The following PLB1 variants were observed in gnomAD, a reference collection of about 807,000 sequenced individuals.
PLB1 encodes the protein phospholipase B1.
In PLB1, 242 loss-of-function variants were observed where a neutral mutation model predicts 227.4. The ratio of observed to expected loss-of-function variants is 1.06; its 90% CI spans 0.96 to 1.18. The LOEUF (loss-of-function observed/expected upper bound fraction) is 1.18, where lower values mean the gene tolerates loss of function less well. PLB1 is among the 50% of genes most tolerant of loss of function. The pLI is 0.00. For missense variants in PLB1, 1,858 were observed against 1,816.3 expected (o/e 1.02, Z -0.42); for synonymous variants, 757 against 682.2 (o/e 1.11, Z -1.71).
chr2:28,501,025 A>AACC (rs1231541480), intron 1 of PLB1, among the ~76,000 whole-genome samples: 1 of 152,188 alleles, frequency 6.6e-6, no homozygotes, highest in African/African-American at 2.4e-5. Context: ...GTTATTTAGA[A>AACC]ACCAAGGTCC....
intron 13 of PLB1, 148 bp downstream of exon 13, chr2:28,541,959 C>G (rs1672557348): frequency 1.6e-5 from 10 of 640,752 alleles, no homozygotes; most frequent in Non-Finnish European, 2.7e-5. Flanking sequence ...ATGGTGAAAC[C>G]CTGTCTCTAC....
In PLB1 at chr2:28,587,827, T is replaced by C. The variant is rs184405251; in HGVS notation, c.1816-1623T>C. Among the ~76,000 whole-genome samples the C allele has an allele frequency of 4.7e-4, 71 of 152,298 alleles. No homozygotes were observed. In the East Asian group the frequency reaches 0.014, roughly 29 times the overall value. The stretch of plus-strand genomic sequence containing the variant: ...GGAAAGCAGGCGTTCTCTCATCTTT[T>C]TTAGTCTCCACAGTGGGAGGCAGGC... On this transcript the variant is annotated intron_variant, in intron 26 of 57. Transcript: ENST00000327757.
intron 49 of PLB1, among the ~76,000 whole-genome samples, chr2:28,624,126 G>A (rs1157837413): frequency 6.6e-6 from 1 of 152,136 alleles, no homozygotes; most frequent in Non-Finnish European, 1.5e-5. Flanking sequence ...CATTGTACCT[G>A]TGAAATCATC....
intron 51 of PLB1, among the ~76,000 whole-genome samples, chr2:28,626,910 G>A (rs949961263): frequency 9.8e-5 from 15 of 152,298 alleles, no homozygotes; most frequent in Admixed American, 5.2e-4. Context: ...GGGTCATCAC[G>A]AGTTAACCAA....
chr2:28,553,095 G>A, intron 17 of PLB1, 104 bp downstream of exon 17: 1 of 969,008 alleles, frequency 1.0e-6, no homozygotes, highest in Non-Finnish European at 1.6e-6. Flanking sequence ...GGTTTCTCAG[G>A]GACAACAGAA....
At position 28,555,333 on chromosome 2, in the gene PLB1, G is replaced by A. The variant is rs911391130; in HGVS notation, c.1147+2342G>A. ...ATTTTTGTATTTTTTGTAGAGACAGGGTTTCGCCATGTTGGCCAGGCTGGT... is the reference window on the plus strand; with the variant it reads ...ATTTTTGTATTTTTTGTAGAGACAGAGTTTCGCCATGTTGGCCAGGCTGGT... On this transcript the variant is annotated intron_variant, in intron 17 of 57. Transcript: ENST00000327757. Among the ~76,000 whole-genome samples the A allele has an allele frequency of 1.1e-4, 17 of 152,006 alleles. No homozygotes were observed. The South Asian group carries it at 2.1e-3, about 19-fold the overall frequency.
At chr2:28,527,292 G>C (rs1305112660) in intron 6 of PLB1, among the ~76,000 whole-genome samples, 4 of 152,184 alleles carry the variant, frequency 2.6e-5, no homozygotes, top group Non-Finnish European at 5.9e-5. Context: ...GCAGGTGTGA[G>C]GGCAGATCTT....
chr2:28,541,607 G>A lies in PLB1; in HGVS notation c.775-100G>A, dbSNP rs1672492881. On this transcript the variant is annotated intron_variant, in intron 12 of 57. Coordinates refer to ENST00000327757, the MANE Select transcript of PLB1 (RefSeq NM_153021.5). ...GCACTTGACCACAACGCAAGAGGCAGATCCTGTCCCAGGGCTGCCGAGAAT... is the reference window on the plus strand; with the variant it reads ...GCACTTGACCACAACGCAAGAGGCAAATCCTGTCCCAGGGCTGCCGAGAAT... 1.9e-5 allele frequency: 16 copies of A among 836,654 alleles called. No individual in the cohort carries two copies. In the East Asian group the frequency reaches 4.0e-4, roughly 21 times the overall value. 51.8% of individuals were successfully genotyped at this position (836,654 alleles called of 1,614,324 possible).
chr2:28,520,078 G>A (rs1361014286), intron 4 of PLB1, among the ~76,000 whole-genome samples: 4 of 151,898 alleles, frequency 2.6e-5, no homozygotes, highest in Non-Finnish European at 5.9e-5. Flanking sequence ...ACAGGCATGC[G>A]CCACCATGCC....
chr2:28,592,708 G>C lies in PLB1; in HGVS notation c.2236G>C (p.Asp746His), dbSNP rs760674094. Residue 746 changes from aspartate (D) to histidine (H), a missense_variant, in exon 32 of 58, where the codon GAT becomes CAT. Physicochemically the swap from Asp to His is moderately conservative, Grantham distance 81. Coordinates refer to ENST00000327757, the MANE Select transcript of PLB1 (RefSeq NM_153021.5). ...ADIQVVAALG[D>H]SLTAGNGIGS... Reference sequence around the variant, plus strand: ...CATCCAAGTTGTGGCTGCTCTGGGGGATTCTCTGACCGTAAGGACTCTTGG... The same window carrying C: ...CATCCAAGTTGTGGCTGCTCTGGGGCATTCTCTGACCGTAAGGACTCTTGG... The C allele has an allele frequency of 6.8e-6, 11 of 1,614,120 alleles. No homozygotes were observed. Among genetic ancestry groups the C allele is most frequent in the Admixed American group, 1.7e-5 (1 of 60,008 alleles).
At chr2:28,577,445 CAT>C (rs1679163839) in intron 21 of PLB1, among the ~76,000 whole-genome samples, 1 of 152,236 alleles carries the variant, frequency 6.6e-6, no homozygotes, top group African/African-American at 2.4e-5. Context: ...GGTGCCATGA[CAT>C]GTGCATGATG....
At chr2:28,572,789 C>T (rs1678228453) in intron 20 of PLB1, among the ~76,000 whole-genome samples, 1 of 152,114 alleles carries the variant, frequency 6.6e-6, no homozygotes, top group Admixed American at 6.6e-5. Flanking sequence ...AGGTTTCTTT[C>T]TGGGGTGATG....
intron 33 of PLB1, 34 bp downstream of exon 33, chr2:28,593,788 C>A (rs1225207964): frequency 1.3e-6 from 2 of 1,574,424 alleles, no homozygotes; most frequent in South Asian, 2.2e-5. Flanking sequence ...CCAGCGTTCC[C>A]CCCACAACAG....
intron 56 of PLB1, chr2:28,633,361 G>A (rs35624690): frequency 0.068 from 20,898 of 305,708 alleles, 884 homozygotes; most frequent in Non-Finnish European, 0.091. Flanking sequence ...CTCGTACTGT[G>A]TGACCTTGGG....
In PLB1 at chr2:28,614,081, C is replaced by T; in HGVS notation, c.3180C>T (p.Ile1060=). Residue 1060 remains isoleucine, a synonymous_variant, in exon 44 of 58, where the codon ATC becomes ATT. Transcript: ENST00000327757. The stretch of plus-strand genomic sequence containing the variant: ...GGAATAGTAACTACACGTACCCCAT[C>T]AAGCCAGCCATTGAGGTAACCCCTG... ...TPRNSNYTYP[I]KPAIENWGSD... The T allele has an allele frequency of 6.2e-7, 1 of 1,612,814 alleles. No individual in the cohort carries two copies. The highest frequency in any genetic ancestry group is 8.5e-7 in the Non-Finnish European group (1 of 1,178,922).
intron 57 of PLB1, 23 bp downstream of exon 57, chr2:28,641,024 C>T (rs1387749974): frequency 1.9e-6 from 3 of 1,607,472 alleles, no homozygotes; most frequent in Non-Finnish European, 2.6e-6. Context: ...CCTGCCTGCC[C>T]CAGGTGGAAC....
At chr2:28,626,162 A>T (rs1687743806) in intron 50 of PLB1, among the ~76,000 whole-genome samples, 1 of 151,786 alleles carries the variant, frequency 6.6e-6, no homozygotes, top group Admixed American at 6.6e-5. Context: ...GGCCAGGCTA[A>T]TTTTTGTATT....
intron 51 of PLB1, among the ~76,000 whole-genome samples, chr2:28,626,978 T>G (rs1411939000): frequency 1.3e-5 from 2 of 152,242 alleles, no homozygotes; most frequent in East Asian, 3.8e-4. Context: ...TGGGGAAATA[T>G]GTCCAGACTC....
chr2:28,641,060 G>A (rs920881543), intron 57 of PLB1, 59 bp downstream of exon 57: 2 of 1,528,216 alleles, frequency 1.3e-6, no homozygotes, highest in Admixed American at 3.7e-5. Flanking sequence ...GGGTTGTCCT[G>A]TCCCCTGGAA....
Sources: allele counts gnomAD v4.1 joint callset (sites outside exome capture counted in the v4.1 genomes callset), GRCh38; gene constraint gnomAD v4.1.1; transcripts MANE v1.5; gene names NCBI Gene and HGNC (gene_info 2026-07-23, HGNC 2026-07-21).